Variants in STAM observed in about 807,000 individuals in gnomAD.
STAM encodes the protein signal transducing adapter molecule 1.
A neutral mutation model predicts 63.4 loss-of-function variants in STAM; 16 were observed. The observed-to-expected ratio is 0.25, with a 90% CI of 0.17 to 0.38. The LOEUF is 0.38. Ranked by LOEUF, STAM falls within the 10% of genes least tolerant of loss-of-function variation. The pLI is 1.00. For synonymous variants in STAM, 238 were observed against 223.9 expected (o/e 1.06, Z -0.56); for missense variants, 636 against 657.1 (o/e 0.97, Z 0.35).
At chr10:17,694,106 TTAAA>T (rs1301628852) in intron 6 of STAM, among the ~76,000 whole-genome samples, 2 of 152,196 alleles carry the variant, frequency 1.3e-5, no homozygotes, top group South Asian at 2.1e-4. Flanking sequence ...TTGTCTTTTG[TTAAA>T]TAAAATAATG....
chr10:17,663,842 T>G (rs552182523), intron 2 of STAM, among the ~76,000 whole-genome samples: 8 of 152,082 alleles, frequency 5.3e-5, no homozygotes, highest in Admixed American at 2.6e-4. Context: ...ACATCTCCAG[T>G]TGTGTTTTTT....
At chr10:17,652,277 GAGA>G (rs1833771030) in intron 1 of STAM, among the ~76,000 whole-genome samples, 1 of 152,074 alleles carries the variant, frequency 6.6e-6, no homozygotes, top group African/African-American at 2.4e-5. Flanking sequence ...TTTTATAACT[GAGA>G]AGAATTGTGC....
At chr10:17,709,890 A>G (rs1375092156) in intron 13 of STAM, among the ~76,000 whole-genome samples, 1 of 149,464 alleles carries the variant, frequency 6.7e-6, no homozygotes, top group African/African-American at 2.5e-5. Flanking sequence ...CAAGGCCCAC[A>G]TGTCAGAAAA....
Position 17,714,627 on chromosome 10 carries a change from T to TGCA in STAM, c.1471_1473dup (p.Ala491dup), listed in dbSNP as rs1564578765. 3 of 1,614,202 alleles carry TGCA rather than the reference T, an allele frequency of 1.9e-6. No individual in the cohort carries two copies. The highest frequency in any genetic ancestry group is 2.5e-6 in the Non-Finnish European group (3 of 1,180,038). ...CTCCTCCTGCCGCTACTGCTGCTGCTGCAACTGCCGATGTCACTCTGTACC... is the reference window on the plus strand; with the variant it reads ...CTCCTCCTGCCGCTACTGCTGCTGCTGCAGCAACTGCCGATGTCACTCTGTACC... On this transcript the variant is annotated inframe_insertion, in exon 14 of 14. Transcript: ENST00000377524.
At chr10:17,705,932 C>T (rs1447376655) in intron 12 of STAM, among the ~76,000 whole-genome samples, 191 bp downstream of exon 12, 4 of 151,222 alleles carry the variant, frequency 2.6e-5, no homozygotes, top group Non-Finnish European at 4.4e-5. Context: ...ATTAGCCAGG[C>T]TGGGGCATGT....
chr10:17,701,040 T>A lies in STAM; in HGVS notation c.912+761T>A, dbSNP rs1835971740. ...TGTCATTGTCACACCTGAAACAATG[T>A]ATATTTTTAGTAATTATGCTCAAAA... On this transcript the variant is annotated intron_variant, in intron 9 of 13. Transcript: ENST00000377524. 4.6e-5 allele frequency among the ~76,000 whole-genome samples: 7 copies of A among 152,222 alleles called. 1 individual carries two copies. In the South Asian group the frequency reaches 1.4e-3, roughly 32 times the overall value.
chr10:17,651,255 G>A (rs2131560277), intron 1 of STAM, among the ~76,000 whole-genome samples: 1 of 152,130 alleles, frequency 6.6e-6, no homozygotes, highest in African/African-American at 2.4e-5. Flanking sequence ...CTCTTCAGGT[G>A]TGGATCCTCT....
At chr10:17,686,807 AT>A (rs1277702711) in intron 4 of STAM, among the ~76,000 whole-genome samples, 1 of 152,100 alleles carries the variant, frequency 6.6e-6, no homozygotes, top group Non-Finnish European at 1.5e-5. Context: ...CTTAGAAAGA[AT>A]TTTTTTTCTT....
At chr10:17,666,889 T>C (rs1047596999) in intron 2 of STAM, among the ~76,000 whole-genome samples, 1 of 152,242 alleles carries the variant, frequency 6.6e-6, no homozygotes, top group South Asian at 2.1e-4. Context: ...AATCATATCC[T>C]CATTTTACAG....
Position 17,684,885 on chromosome 10 carries a change from T to C in STAM, c.255T>C (p.Cys85=), listed in dbSNP as rs1335780489. 8 of 1,613,982 alleles carry C rather than the reference T, an allele frequency of 5.0e-6. No individual in the cohort carries two copies. In the African/African-American group the frequency reaches 1.1e-4, roughly 22 times the overall value. ...GCAAAATTTTTCATTTAGAAGTATG[T>C]TCAAGAGATTTTGCTAGTGAAGTAA... The part of the protein sequence containing the change: ...NCGKIFHLEV[C]SRDFASEVSN... The change falls in exon 4 of 14, where the codon TGT becomes TGC. Residue 85 remains cysteine (C), a synonymous_variant. Coordinates refer to ENST00000377524, the MANE Select transcript of STAM (RefSeq NM_003473.4).
chr10:17,713,159 T>A (rs1836634961), intron 13 of STAM, among the ~76,000 whole-genome samples: 1 of 152,186 alleles, frequency 6.6e-6, no homozygotes, highest in East Asian at 1.9e-4. Context: ...CTCTTTTCCC[T>A]TCTGCCTCAC....
chr10:17,707,086 T>A (rs898174669), intron 12 of STAM, among the ~76,000 whole-genome samples: 7 of 150,108 alleles, frequency 4.7e-5, no homozygotes, highest in Non-Finnish European at 8.9e-5. Flanking sequence ...CACAAACTCA[T>A]CACGGTGAGG....
intron 13 of STAM, among the ~76,000 whole-genome samples, chr10:17,711,060 C>T (rs781893540): frequency 2.0e-5 from 3 of 152,124 alleles, no homozygotes; most frequent in South Asian, 2.1e-4. Context: ...AGGTGTCCTG[C>T]GTATTTGACT....
At position 17,646,172 on chromosome 10, in the gene STAM, T is replaced by C. The variant is rs1413378143; in HGVS notation, c.40+1793T>C. Among the ~76,000 whole-genome samples the C allele has an allele frequency of 2.6e-5, 4 of 152,338 alleles. No homozygotes were observed. The East Asian group carries it at 7.7e-4, about 29-fold the overall frequency. On this transcript the variant is annotated intron_variant, in intron 1 of 13. Coordinates refer to ENST00000377524, the MANE Select transcript of STAM (RefSeq NM_003473.4). ...TTGTTACACCTGAGTCATTTCCTGA[T>C]TACTGTAGCAAAGGGTTTCTCAGTA...
chr10:17,672,495 G>C (rs1476517893), intron 2 of STAM, among the ~76,000 whole-genome samples: 1 of 152,070 alleles, frequency 6.6e-6, no homozygotes, highest in East Asian at 1.9e-4. Flanking sequence ...AATTCATTTA[G>C]TGAGCTTGTA....
intron 2 of STAM, among the ~76,000 whole-genome samples, chr10:17,667,188 G>A (rs1554823522): frequency 6.6e-6 from 1 of 151,032 alleles, no homozygotes; most frequent in African/African-American, 2.4e-5. Context: ...GTGCGATGGT[G>A]CGATCTCAGC....
At chr10:17,694,329 T>A (rs1171456754) in intron 6 of STAM, among the ~76,000 whole-genome samples, 1 of 152,194 alleles carries the variant, frequency 6.6e-6, no homozygotes, top group Non-Finnish European at 1.5e-5. Flanking sequence ...TACCTCAAGG[T>A]CCTAAAAGAT....
At chr10:17,663,772 A>C (rs1329980529) in intron 2 of STAM, among the ~76,000 whole-genome samples, 1 of 152,134 alleles carries the variant, frequency 6.6e-6, no homozygotes, top group Admixed American at 6.5e-5. Flanking sequence ...TTTTAAAAAA[A>C]TGTCAGGCCT....
At chr10:17,711,942 C>T (rs10508543) in intron 13 of STAM, among the ~76,000 whole-genome samples, 11,437 of 152,248 alleles carry the variant, frequency 0.075, 453 homozygotes, top group Middle Eastern at 0.13. Context: ...TGGCAAGATA[C>T]AGTGCTATTA....
Sources: allele counts gnomAD v4.1 joint callset (sites outside exome capture counted in the v4.1 genomes callset), GRCh38; gene constraint gnomAD v4.1.1; transcripts MANE v1.5; gene names NCBI Gene and HGNC (gene_info 2026-07-23, HGNC 2026-07-21).